CACNA1B: variants seen among roughly 807,000 people sequenced by gnomAD.
CACNA1B encodes calcium voltage-gated channel subunit alpha1 B.
Under a neutral mutation model 247.2 loss-of-function variants are expected in CACNA1B, and 70 were observed. The ratio of observed to expected loss-of-function variants is 0.28; its 90% CI spans 0.23 to 0.35. The LOEUF (loss-of-function observed/expected upper bound fraction) is 0.35, where lower values mean the gene tolerates loss of function less well. Ranked by LOEUF, CACNA1B falls within the 10% of genes least tolerant of loss-of-function variation. The pLI is 1.00. For missense variants in CACNA1B, 2,367 were observed against 3,197.4 expected, an observed-to-expected ratio of 0.74 and a Z score of 6.26; for synonymous variants, 1,231 against 1,294.4, an observed-to-expected ratio of 0.95 and a Z score of 1.05.
intron 37 of CACNA1B, among the ~76,000 whole-genome samples, chr9:138,097,683 C>G (rs1961100671): frequency 6.6e-6 from 1 of 152,206 alleles, no homozygotes; most frequent in Non-Finnish European, 1.5e-5. Flanking sequence ...CCTTCTCTCT[C>G]TGAGCTCCTC....
chr9:137,921,212 G>A (rs1030004014), intron 6 of CACNA1B, among the ~76,000 whole-genome samples: 32 of 152,380 alleles, frequency 2.1e-4, no homozygotes, highest in African/African-American at 7.2e-4. Context: ...AGCCACGAAA[G>A]AGATGGGGCT....
At chr9:138,036,140 AT>A (rs953525931) in intron 20 of CACNA1B, among the ~76,000 whole-genome samples, 71 of 145,424 alleles carry the variant, frequency 4.9e-4, no homozygotes, top group East Asian at 4.6e-3. Flanking sequence ...AGCTTTCCTA[AT>A]TTTTTTTTTT....
intron 6 of CACNA1B, among the ~76,000 whole-genome samples, chr9:137,936,030 G>A (rs920511045): frequency 1.3e-5 from 2 of 152,122 alleles, no homozygotes; most frequent in Non-Finnish European, 1.5e-5. Context: ...CTAATTTTTG[G>A]TATTTTTTAG....
At chr9:137,960,422 CAGCCTGAGAGACGGAGGGGGAGGGG>C (rs1958004986) in intron 10 of CACNA1B, among the ~76,000 whole-genome samples, 1 of 12,526 alleles carries the variant, frequency 8.0e-5, no homozygotes, top group Admixed American at 8.3e-4. Context: ...GAGGGGAGGT[CAGCCTGAGAGACGGAGGGGGAGGGG>C]AGGTCGGCCT....
Position 137,881,537 on chromosome 9 carries a change from G to A in CACNA1B, c.391-1207G>A, listed in dbSNP as rs1956920488. 6.6e-6 allele frequency among the ~76,000 whole-genome samples: 1 copy of A among 152,196 alleles called. No individual in the cohort carries two copies. Among genetic ancestry groups the A allele is most frequent in the Admixed American group, 6.5e-5 (1 of 15,290 alleles). ...AGACGAACCCTCAGGGGAGGCCCTT[G>A]AAGCTGGTCTCCTCTCCCCACCCCT... On this transcript the variant is annotated intron_variant, in intron 2 of 46. Transcript: ENST00000371372. This position sits in a 1 kb window ranked among gnomAD's most constrained non-coding sequence, Gnocchi z 4.3.
At chr9:138,074,774 C>T (rs902108398) in intron 34 of CACNA1B, among the ~76,000 whole-genome samples, 13 of 152,154 alleles carry the variant, frequency 8.5e-5, no homozygotes, top group African/African-American at 2.7e-4. Context: ...GTGGTGGAGG[C>T]GCGTTGGAGC....
At chr9:138,116,435 C>T (rs1487747205) in intron 42 of CACNA1B, among the ~76,000 whole-genome samples, 2 of 152,200 alleles carry the variant, frequency 1.3e-5, no homozygotes, top group African/African-American at 2.4e-5. Flanking sequence ...GGACCCAGAT[C>T]CTGGGGGCTG....
intron 20 of CACNA1B, 78 bp from the exon 21 acceptor site, chr9:138,043,696 T>C (rs1317512129): frequency 2.6e-6 from 4 of 1,552,886 alleles, no homozygotes; most frequent in Non-Finnish European, 3.5e-6. Flanking sequence ...GCCGGGGGCA[T>C]GGGAGCTGGG....
chr9:137,963,847 A>G (rs1589036426), intron 10 of CACNA1B, among the ~76,000 whole-genome samples: 1 of 152,076 alleles, frequency 6.6e-6, no homozygotes, highest in African/African-American at 2.4e-5. Flanking sequence ...TTTCCTTTCC[A>G]TATTTAGTGC....
Position 137,971,270 on chromosome 9 carries a change from A to T in CACNA1B, c.1334-113A>T, listed in dbSNP as rs1958143650. 2 of 715,644 alleles carry T rather than the reference A, an allele frequency of 2.8e-6. No homozygotes were observed. Among genetic ancestry groups the T allele is most frequent in the Admixed American group, 2.2e-5 (1 of 45,354 alleles). 44.3% of individuals were successfully genotyped at this position (715,644 alleles called of 1,614,324 possible). A position where few individuals can be genotyped will look rare whatever the true frequency, so the allele number is the denominator to read the frequency against. ...GGGGTCACTGGCACAATTGTCTGTG[A>T]CCGGCTGGGGCTGGGGGCAGGTGTC... On this transcript the variant is annotated intron_variant, in intron 10 of 46. Transcript: ENST00000371372. This position sits in a 1 kb window ranked among gnomAD's most constrained non-coding sequence, Gnocchi z 4.4.
intron 15 of CACNA1B, among the ~76,000 whole-genome samples, chr9:137,996,176 G>T (rs1958498310): frequency 6.6e-6 from 1 of 152,184 alleles, no homozygotes; most frequent in African/African-American, 2.4e-5. Context: ...CAGAGGAAAA[G>T]AAGTCATTAT....
intron 6 of CACNA1B, among the ~76,000 whole-genome samples, chr9:137,939,847 T>A (rs532201853): frequency 2.2e-3 from 206 of 95,046 alleles, no homozygotes; most frequent in South Asian, 5.8e-3. Context: ...AATAAATAAA[T>A]AAAAAAAAAT....
chr9:138,076,305 C>T (rs1337443647), intron 35 of CACNA1B, among the ~76,000 whole-genome samples: 8 of 152,314 alleles, frequency 5.3e-5, no homozygotes, highest in South Asian at 2.1e-4. Context: ...TTTCCACCTG[C>T]GCCCTTGTTG....
Position 137,986,903 on chromosome 9 carries a change from C to T in CACNA1B, c.1974+49C>T. The stretch of plus-strand genomic sequence containing the variant: ...TGCGGCCTGCCCGGCTCCCGTCTCC[C>T]CTGGGTGCTGGGAAGGCGGACTCTC... On this transcript the variant is annotated intron_variant, in intron 15 of 46. Transcript: ENST00000371372. The surrounding 1 kb of genome is among the most constrained non-coding windows in gnomAD (Gnocchi z 6.0). 1 of 1,402,754 alleles carries T rather than the reference C, an allele frequency of 7.1e-7. No individual in the cohort carries two copies. Among genetic ancestry groups the T allele is most frequent in the East Asian group, 2.3e-5 (1 of 43,786 alleles). The allele number at this position is 1,402,754 out of a possible 1,614,324, so 86.9% of individuals were successfully genotyped here. A position where few individuals can be genotyped will look rare whatever the true frequency, so the allele number is the denominator to read the frequency against.
At chr9:138,049,574 G>A (rs978168511) in intron 24 of CACNA1B, among the ~76,000 whole-genome samples, 3 of 152,332 alleles carry the variant, frequency 2.0e-5, no homozygotes, top group South Asian at 4.1e-4. Flanking sequence ...CGCCTGCCTG[G>A]AGGGGTGGGT....
At chr9:137,982,206 C>A (rs1958302608) in intron 12 of CACNA1B, among the ~76,000 whole-genome samples, 2 of 152,212 alleles carry the variant, frequency 1.3e-5, no homozygotes, top group Admixed American at 1.3e-4. Flanking sequence ...CTGCAGTCTT[C>A]TCAGGCTCAT....
At chr9:138,087,638 C>T (rs1960740905) in intron 36 of CACNA1B, among the ~76,000 whole-genome samples, 1 of 141,916 alleles carries the variant, frequency 7.0e-6, no homozygotes, top group Admixed American at 7.2e-5. Context: ...TTGCTTGAAC[C>T]CAGGAGGCGG....
intron 42 of CACNA1B, among the ~76,000 whole-genome samples, chr9:138,116,647 A>G (rs1014816347): frequency 1.3e-5 from 2 of 152,216 alleles, no homozygotes; most frequent in Non-Finnish European, 2.9e-5. Flanking sequence ...ACCTAAATCA[A>G]TTACAACTCC....
In CACNA1B at chr9:138,010,207, C is replaced by T; in HGVS notation, c.2160+130C>T. On this transcript the variant is annotated intron_variant, in intron 17 of 46. Coordinates refer to ENST00000371372, the MANE Select transcript of CACNA1B (RefSeq NM_000718.4). The surrounding 1 kb of genome is among the most constrained non-coding windows in gnomAD (Gnocchi z 5.3). ...TGCCTTGGGTCCTGGCGGGCAGAGG[C>T]TGGTCTGTCACTCAGGGGCTGGAGG... The T allele has an allele frequency of 3.0e-6, 2 of 666,586 alleles. No homozygotes were observed. Among genetic ancestry groups the T allele is most frequent in the East Asian group, 2.9e-5 (1 of 34,714 alleles). 41.3% of individuals were successfully genotyped at this position (666,586 alleles called of 1,614,324 possible). A position where few individuals can be genotyped will look rare whatever the true frequency, so the allele number is the denominator to read the frequency against.
Sources: allele counts gnomAD v4.1 joint callset (sites outside exome capture counted in the v4.1 genomes callset), GRCh38; gene constraint gnomAD v4.1.1; non-coding constraint Gnocchi (gnomAD v3.1); transcripts MANE v1.5; gene names NCBI Gene and HGNC (gene_info 2026-07-23, HGNC 2026-07-21).